Variants in DPF3 observed in about 807,000 individuals in gnomAD.
DPF3 encodes zinc finger protein DPF3.
Under a neutral mutation model 56.8 loss-of-function variants are expected in DPF3, and 18 were observed. The observed-to-expected ratio is 0.32, with a 90% CI of 0.22 to 0.47. The LOEUF (loss-of-function observed/expected upper bound fraction) is 0.47, where lower values mean the gene tolerates loss of function less well. Among genes scored for constraint, DPF3 ranks in the 20% least tolerant of loss-of-function variants. DPF3 has a pLI of 1.00. For synonymous variants in DPF3, 188 were observed against 180.2 expected (o/e 1.04, Z -0.35); for missense variants, 403 against 488.8 (o/e 0.82, Z 1.65).
rs777751055 is a variant in DPF3 at position 72,894,037 on chromosome 14, C to T, written c.32+20G>A. The stretch of plus-strand genomic sequence containing the variant: ...ATATTGAAACCACGCGGAATATGTA[C>T]ATTTTTTAGTCTTACTTACGCTTTC... On this transcript the variant is annotated intron_variant, in intron 1 of 10. Coordinates refer to ENST00000556509, the MANE Select transcript of DPF3 (RefSeq NM_001280542.3). The T allele has an allele frequency of 9.9e-6, 16 of 1,609,712 alleles. No individual in the cohort carries two copies. The Admixed American group carries it at 2.7e-4, about 27-fold the overall frequency.
At chr14:72,738,465 C>A (rs911571782) in intron 3 of DPF3, among the ~76,000 whole-genome samples, 2 of 152,014 alleles carry the variant, frequency 1.3e-5, no homozygotes, top group African/African-American at 4.8e-5. Context: ...ATATCAGGAC[C>A]ACAGATAAGC....
intron 2 of DPF3, among the ~76,000 whole-genome samples, chr14:72,767,907 G>C (rs542565117): frequency 6.6e-6 from 1 of 152,028 alleles, no homozygotes; most frequent in Admixed American, 6.5e-5. Flanking sequence ...AAAACAATGA[G>C]AGAGAAATGA....
intron 1 of DPF3, among the ~76,000 whole-genome samples, chr14:72,823,340 C>A (rs1298382041): frequency 6.6e-6 from 1 of 152,168 alleles, no homozygotes; most frequent in Non-Finnish European, 1.5e-5. Flanking sequence ...TTCCCAATAC[C>A]AGAGAAAAGG....
intron 1 of DPF3, among the ~76,000 whole-genome samples, chr14:72,871,694 GA>G (rs908247351): frequency 2.0e-5 from 3 of 152,196 alleles, no homozygotes; most frequent in Admixed American, 6.5e-5. Flanking sequence ...AGCACTTTGG[GA>G]GGGTGAGGCA....
chr14:72,859,639 T>C (rs1431896317), intron 1 of DPF3, among the ~76,000 whole-genome samples: 1 of 152,102 alleles, frequency 6.6e-6, no homozygotes, highest in Non-Finnish European at 1.5e-5. Flanking sequence ...GTCAGCTGTT[T>C]GCTGTAGAGG....
chr14:72,715,067 G>C (rs570577022), intron 5 of DPF3, among the ~76,000 whole-genome samples: 4 of 152,304 alleles, frequency 2.6e-5, no homozygotes, highest in Admixed American at 2.6e-4. Flanking sequence ...CCCAGTGCAC[G>C]AGTGTAGCTA....
At chr14:72,835,860 A>C (rs1005511448) in intron 1 of DPF3, among the ~76,000 whole-genome samples, 19 of 152,178 alleles carry the variant, frequency 1.2e-4, no homozygotes, top group African/African-American at 4.6e-4. Flanking sequence ...AGGACAGGAA[A>C]GGAGAAATGG....
chr14:72,613,091 T>C lies in DPF3; in HGVS notation c.*6206A>G, dbSNP rs887009776. Among the ~76,000 whole-genome samples, 2 of 151,850 alleles carry C rather than the reference T, an allele frequency of 1.3e-5. No homozygotes were observed. Among genetic ancestry groups the C allele is most frequent in the African/African-American group, 4.8e-5 (2 of 41,352 alleles). On this transcript the variant is annotated 3_prime_UTR_variant, in exon 11 of 11. Transcript: ENST00000556509. Reference sequence around the variant, plus strand: ...GCATTCCTGTTCTCATCATCAATATTCATAACATTGAAATGAAGAACAGAG... The same window carrying C: ...GCATTCCTGTTCTCATCATCAATATCCATAACATTGAAATGAAGAACAGAG...
At chr14:72,798,774 A>G (rs973557293) in intron 1 of DPF3, among the ~76,000 whole-genome samples, 4 of 152,292 alleles carry the variant, frequency 2.6e-5, no homozygotes, top group African/African-American at 9.6e-5. Flanking sequence ...TCTTGAGATC[A>G]GTGTAGCTGA....
chr14:72,822,160 C>T lies in DPF3; in HGVS notation c.33-50267G>A, dbSNP rs547646465. 1.8e-4 allele frequency among the ~76,000 whole-genome samples: 28 copies of T among 152,186 alleles called. No individual in the cohort carries two copies. In the South Asian group the frequency reaches 2.9e-3, roughly 16 times the overall value. The stretch of plus-strand genomic sequence containing the variant: ...TGGGAGGCCAAGGTGGGTGGATCAC[C>T]TGAGATCAGGAGTTCAAGATCAGCC... On this transcript the variant is annotated intron_variant, in intron 1 of 10. Transcript: ENST00000556509.
At chr14:72,809,800 CT>C (rs1394868739) in intron 1 of DPF3, among the ~76,000 whole-genome samples, 117 of 152,326 alleles carry the variant, frequency 7.7e-4, no homozygotes, top group Admixed American at 2.7e-3. Flanking sequence ...CAAACGGCCA[CT>C]GACCACCCCT....
rs1256427957 is a variant in DPF3 at position 72,857,458 on chromosome 14, C to A, written c.32+36599G>T. ...CTTCCTTTGAGTTTCAATTGATAAT[C>A]CCCGAAGATTAAGAAAATAGTGATA... On this transcript the variant is annotated intron_variant, in intron 1 of 10. Transcript: ENST00000556509. Among the ~76,000 whole-genome samples the A allele has an allele frequency of 4.6e-5, 7 of 152,240 alleles. No homozygotes were observed. In the East Asian group the frequency reaches 1.2e-3, roughly 25 times the overall value.
intron 7 of DPF3, among the ~76,000 whole-genome samples, chr14:72,682,153 G>A (rs1887191054): frequency 6.6e-6 from 1 of 151,112 alleles, no homozygotes; most frequent in African/African-American, 2.4e-5. Flanking sequence ...GGCAGAGGTT[G>A]CAGTGAGCCA....
At chr14:72,853,317 A>G (rs1885057351) in intron 1 of DPF3, 1 of 151,980 alleles carries the variant, frequency 6.6e-6, no homozygotes, top group Admixed American at 6.6e-5. Context: ...ATAACTCACT[A>G]CCCTCAGACT....
chr14:72,768,625 T>C (rs989340894), intron 2 of DPF3, among the ~76,000 whole-genome samples: 2 of 152,186 alleles, frequency 1.3e-5, no homozygotes, highest in African/African-American at 4.8e-5. Context: ...CAATTATTAA[T>C]TATTTCAAGA....
At chr14:72,706,548 G>A (rs572622020) in intron 6 of DPF3, among the ~76,000 whole-genome samples, 18 of 152,154 alleles carry the variant, frequency 1.2e-4, no homozygotes, top group Middle Eastern at 3.4e-3. Flanking sequence ...ACCATACACC[G>A]GAGGACATGG....
chr14:72,784,301 G>A (rs781468553), intron 1 of DPF3, among the ~76,000 whole-genome samples: 7 of 152,102 alleles, frequency 4.6e-5, no homozygotes, highest in Admixed American at 2.0e-4. Context: ...GCCTGGTGGT[G>A]GAGGAAGTAA....
chr14:72,635,745 A>G (rs767630662), intron 8 of DPF3, among the ~76,000 whole-genome samples: 1 of 152,216 alleles, frequency 6.6e-6, no homozygotes, highest in Non-Finnish European at 1.5e-5. Flanking sequence ...AAATACACAA[A>G]CTGCTATGAC....
At position 72,731,800 on chromosome 14, in the gene DPF3, G is replaced by A. The variant is rs779314250; in HGVS notation, c.429+7C>T. The A allele has an allele frequency of 3.2e-5, 52 of 1,613,406 alleles. No individual in the cohort carries two copies. The East Asian group carries it at 1.2e-3, about 36-fold the overall frequency. ...CTCTGTGGGGTCCCCAGCAGGTGTG[G>A]GAATACCTGTATTTCCTGGATGCTT... On this transcript the variant is annotated splice_region_variant and intron_variant, in intron 4 of 10. Transcript: ENST00000556509.
Sources: allele counts gnomAD v4.1 joint callset (sites outside exome capture counted in the v4.1 genomes callset), GRCh38; gene constraint gnomAD v4.1.1; transcripts MANE v1.5; gene names NCBI Gene and HGNC (gene_info 2026-07-23, HGNC 2026-07-21).